The following OPCML variants were observed in gnomAD, a reference collection of about 807,000 sequenced individuals.
OPCML encodes the protein opioid-binding protein/cell adhesion molecule.
A neutral mutation model predicts 37.8 loss-of-function variants in OPCML; 13 were observed. The ratio of observed to expected loss-of-function variants is 0.34; its 90% confidence interval spans 0.22 to 0.55. OPCML has a LOEUF of 0.55. OPCML is among the 20% of genes least tolerant of loss of function. The pLI is 0.91. For synonymous variants in OPCML, 176 were observed against 168.8 expected (o/e 1.04, Z -0.33); for missense variants, 341 against 435.6 (o/e 0.78, Z 1.93).
intron 1 of OPCML, among the ~76,000 whole-genome samples, chr11:133,015,419 G>T (rs377569268): frequency 0.011 from 1,011 of 88,360 alleles, 19 homozygotes; most frequent in African/African-American, 0.027. Context: ...AAGGAAGGAA[G>T]GAAGGAAGGA....
At chr11:133,197,921 C>T (rs1270803843) in intron 1 of OPCML, among the ~76,000 whole-genome samples, 2 of 152,190 alleles carry the variant, frequency 1.3e-5, no homozygotes, top group South Asian at 2.1e-4. Context: ...AGGCACATGG[C>T]AGACACTAAA....
At chr11:132,524,280 G>A (rs2096302212) in intron 4 of OPCML, among the ~76,000 whole-genome samples, 1 of 152,152 alleles carries the variant, frequency 6.6e-6, no homozygotes, top group Non-Finnish European at 1.5e-5. Flanking sequence ...GATTCACAAT[G>A]TATTCCAATA....
intron 1 of OPCML, among the ~76,000 whole-genome samples, chr11:133,239,005 G>A (rs890196977): frequency 2.0e-5 from 3 of 152,186 alleles, no homozygotes; most frequent in Non-Finnish European, 2.9e-5. Flanking sequence ...CAGCCTGGGT[G>A]GGGACAGAGT....
chr11:133,004,763 T>C, intron 1 of OPCML: 1 of 985,216 alleles, frequency 1.0e-6, no homozygotes, highest in Non-Finnish European at 1.2e-6. Flanking sequence ...GGACGCTGGC[T>C]CAGAAGCGAG....
At chr11:132,751,740 A>G (rs1314450384) in intron 2 of OPCML, among the ~76,000 whole-genome samples, 1 of 152,194 alleles carries the variant, frequency 6.6e-6, no homozygotes, top group Non-Finnish European at 1.5e-5. Context: ...CCAAAGCCCT[A>G]TGCTCATAAT....
intron 3 of OPCML, among the ~76,000 whole-genome samples, chr11:132,610,752 G>A (rs769850161): frequency 1.3e-5 from 2 of 152,134 alleles, no homozygotes; most frequent in Admixed American, 6.5e-5. Context: ...CAAATGCAAA[G>A]GATGACTGCA....
chr11:133,011,555 C>A (rs1316868702), intron 1 of OPCML, among the ~76,000 whole-genome samples: 1 of 151,848 alleles, frequency 6.6e-6, no homozygotes, highest in African/African-American at 2.4e-5. Context: ...GAAAAACTTT[C>A]TAAAATTAAA....
chr11:132,494,739 T>C (rs1251261013), intron 4 of OPCML, among the ~76,000 whole-genome samples: 1 of 152,174 alleles, frequency 6.6e-6, no homozygotes, highest in Non-Finnish European at 1.5e-5. Flanking sequence ...ATAATATTTT[T>C]TAAAAAACAA....
intron 1 of OPCML, among the ~76,000 whole-genome samples, chr11:133,072,194 G>T (rs901834486): frequency 3.3e-5 from 5 of 152,170 alleles, no homozygotes; most frequent in African/African-American, 9.6e-5. Context: ...TTAAATAGGG[G>T]CGATGGGTGC....
intron 1 of OPCML, among the ~76,000 whole-genome samples, chr11:133,307,109 T>TGGAA: frequency 6.6e-6 from 1 of 152,102 alleles, no homozygotes; most frequent in Non-Finnish European, 1.5e-5. Flanking sequence ...CCTCCCCTCC[T>TGGAA]TCCCTCATGG....
chr11:133,365,729 T>A (rs543996546), intron 1 of OPCML: 12 of 152,374 alleles, frequency 7.9e-5, no homozygotes, highest in African/African-American at 2.6e-4. Flanking sequence ...GCTTTCCAGC[T>A]TCCTACCCTC....
At chr11:132,579,292 C>T (rs1177969637) in intron 3 of OPCML, among the ~76,000 whole-genome samples, 1 of 152,012 alleles carries the variant, frequency 6.6e-6, no homozygotes, top group Non-Finnish European at 1.5e-5. Flanking sequence ...GTTTTCATCA[C>T]CAATTGCAAA....
intron 1 of OPCML, among the ~76,000 whole-genome samples, chr11:133,467,090 C>T (rs939450124): frequency 3.9e-5 from 6 of 152,238 alleles, no homozygotes; most frequent in African/African-American, 1.4e-4. Flanking sequence ...AATTAACCCA[C>T]TGCTCTCCTG....
intron 3 of OPCML, among the ~76,000 whole-genome samples, chr11:132,563,030 G>A (rs2137516104): frequency 6.6e-6 from 1 of 152,268 alleles, no homozygotes; most frequent in Middle Eastern, 3.4e-3. Flanking sequence ...CTTTTCAGTA[G>A]TATAGAGAAA....
At chr11:133,485,897 G>GT (rs916857094) in intron 1 of OPCML, among the ~76,000 whole-genome samples, 47 of 150,456 alleles carry the variant, frequency 3.1e-4, no homozygotes, top group Middle Eastern at 3.4e-3. Context: ...TGTTTTTTCT[G>GT]TTTTTTTTTC....
At chr11:133,023,912 G>A (rs1253521237) in intron 1 of OPCML, among the ~76,000 whole-genome samples, 1 of 152,174 alleles carries the variant, frequency 6.6e-6, no homozygotes. Context: ...GTGGCAGGAA[G>A]CATTTCCATT....
intron 3 of OPCML, among the ~76,000 whole-genome samples, chr11:132,613,169 A>C (rs562363411): frequency 5.9e-5 from 9 of 152,186 alleles, no homozygotes; most frequent in Admixed American, 1.3e-4. Context: ...CCTCCTGGAG[A>C]GCCTCCTAAG....
At chr11:132,426,424 A>G (rs2095977764) in intron 7 of OPCML, among the ~76,000 whole-genome samples, 1 of 152,126 alleles carries the variant, frequency 6.6e-6, no homozygotes, top group Non-Finnish European at 1.5e-5. Context: ...TTTGTGCAAA[A>G]GTCATCATGG....
At chr11:132,964,901 A>G (rs1159645992) in intron 1 of OPCML, among the ~76,000 whole-genome samples, 1 of 152,204 alleles carries the variant, frequency 6.6e-6, no homozygotes, top group African/African-American at 2.4e-5. Flanking sequence ...AGAGCCATCA[A>G]GCAGAGACTG....
Sources: gnomAD v4.1 joint callset for allele counts (sites outside exome capture counted in the v4.1 genomes callset) on GRCh38, gnomAD v4.1.1 for gene constraint, MANE v1.5 for transcripts, NCBI Gene and HGNC (gene_info 2026-07-23, HGNC 2026-07-21) for gene names.